SLC6A5: variants seen among roughly 807,000 people sequenced by gnomAD.
The protein encoded by SLC6A5 is sodium- and chloride-dependent glycine transporter 2.
SLC6A5 carries 58 observed loss-of-function variants against 90.5 expected under a neutral mutation model. The observed-to-expected ratio is 0.64, with a 90% CI of 0.52 to 0.80. The LOEUF (loss-of-function observed/expected upper bound fraction) is 0.80, where lower values mean the gene tolerates loss of function less well. SLC6A5 is among the 30% of genes least tolerant of loss of function. SLC6A5 has a pLI of 0.00. For synonymous variants in SLC6A5, 427 were observed against 401.4 expected (o/e 1.06, Z -0.76); for missense variants, 1,015 against 1,017.6 (o/e 1.00, Z 0.03).
rs1590175967 is a variant in SLC6A5 at position 20,638,525 on chromosome 11, A to G, written c.1936A>G (p.Ile646Val). Reference protein sequence around the residue: ...AASYALVIIAIFELVGISYVY... With the variant: ...AASYALVIIAVFELVGISYVY... ...CTCCTATGCCCTTGTCATCATTGCC[A>G]TTTTTGAGCTCGTGGGGATCTCTTA... The change falls in exon 13 of 16, where the codon ATT becomes GTT. Residue 646 changes from isoleucine (I) to valine (V), a missense_variant. By Grantham distance (29) the Ile-to-Val change is conservative. Transcript: ENST00000525748. 2.5e-6 allele frequency: 4 copies of G among 1,612,814 alleles called. No individual in the cohort carries two copies. Among genetic ancestry groups the G allele is most frequent in the Non-Finnish European group, 3.4e-6 (4 of 1,178,908 alleles).
intron 9 of SLC6A5, 41 bp from the exon 10 acceptor site, chr11:20,630,650 C>T (rs1162776541): frequency 1.2e-6 from 2 of 1,613,282 alleles, no homozygotes; most frequent in Non-Finnish European, 1.7e-6. Context: ...TTTCCACTCA[C>T]CAAGCACACC....
At chr11:20,630,863 A>G in intron 10 of SLC6A5, 48 bp downstream of exon 10, 1 of 1,607,746 alleles carries the variant, frequency 6.2e-7, no homozygotes, top group African/African-American at 1.3e-5. Flanking sequence ...TCCCAGGCTC[A>G]TGTCACAAGC....
Position 20,655,227 on chromosome 11 carries a change from A to G in SLC6A5, c.*359A>G, listed in dbSNP as rs189227847. The G allele has an allele frequency of 8.3e-6, 3 of 361,332 alleles. No individual in the cohort carries two copies. Among genetic ancestry groups the G allele is most frequent in the Admixed American group, 3.7e-5 (1 of 26,720 alleles). 22.4% of individuals were successfully genotyped at this position (361,332 alleles called of 1,614,324 possible). A position where few individuals can be genotyped will look rare whatever the true frequency, so the allele number is the denominator to read the frequency against. ...GTGTGATGGCATGGGGGGTGCCAGT[A>G]AGGCATGTATAGAGTGGCCGAATTA... On this transcript the variant is annotated 3_prime_UTR_variant, in exon 16 of 16. Transcript: ENST00000525748.
At position 20,636,302 on chromosome 11, in the gene SLC6A5, T is replaced by C; in HGVS notation, c.1625-5T>C. 1.3e-6 allele frequency: 2 copies of C among 1,596,792 alleles called. No homozygotes were observed. Among genetic ancestry groups the C allele is most frequent in the Non-Finnish European group, 1.7e-6 (2 of 1,164,188 alleles). ...GCCTGCAATCATCTGTCTTGTTCCT[T>C]CCAGGGCCAGGCATTGCATTTGTGG... On this transcript the variant is annotated splice_polypyrimidine_tract_variant and splice_region_variant and intron_variant, in intron 10 of 15. Transcript: ENST00000525748.
rs996161533 is a variant in SLC6A5, at chr11:20,601,730, G to A, written c.540+65G>A. The A allele has an allele frequency of 5.9e-6, 9 of 1,527,124 alleles. No homozygotes were observed. In the African/African-American group the frequency reaches 1.2e-4, roughly 21 times the overall value. 94.6% of individuals were successfully genotyped at this position (1,527,124 alleles called of 1,614,324 possible). ...TCCAGCTGCGCGAGAGAGGCCAGCC[G>A]GGCCGTGGCGGGTGCACGTATGCTG... On this transcript the variant is annotated intron_variant, in intron 2 of 15. Transcript: ENST00000525748.
chr11:20,608,470 CT>C (rs1216287456), intron 5 of SLC6A5, among the ~76,000 whole-genome samples: 1 of 152,170 alleles, frequency 6.6e-6, no homozygotes, highest in Non-Finnish European at 1.5e-5. Context: ...ATCTGTTTTC[CT>C]TCTCTAAAAA....
At chr11:20,605,980 A>C (rs980808943) in intron 3 of SLC6A5, among the ~76,000 whole-genome samples, 1 of 152,210 alleles carries the variant, frequency 6.6e-6, no homozygotes, top group African/African-American at 2.4e-5. Context: ...GGAAGTGCGG[A>C]GGGGCGGGAG....
At chr11:20,638,738 T>A (rs142683184) in intron 13 of SLC6A5, among the ~76,000 whole-genome samples, 180 bp downstream of exon 13, 28 of 152,240 alleles carry the variant, frequency 1.8e-4, no homozygotes, top group African/African-American at 6.7e-4. Flanking sequence ...TGATCCAAAT[T>A]TAATAGGGAA....
At chr11:20,614,399 T>C (rs949682875) in intron 5 of SLC6A5, among the ~76,000 whole-genome samples, 1 of 152,190 alleles carries the variant, frequency 6.6e-6, no homozygotes, top group Non-Finnish European at 1.5e-5. Context: ...AATGAGATAA[T>C]GCATGCAAAA....
chr11:20,633,630 A>G (rs1853147518), intron 10 of SLC6A5, among the ~76,000 whole-genome samples: 1 of 152,224 alleles, frequency 6.6e-6, no homozygotes, highest in African/African-American at 2.4e-5. Context: ...AGTTACTGAA[A>G]TGAAGAGCCC....
rs749443916 is a variant in SLC6A5, at chr11:20,604,267, T to C, written c.541-19T>C. 7.5e-6 allele frequency: 12 copies of C among 1,602,022 alleles called. No individual in the cohort carries two copies. The highest frequency in any genetic ancestry group is 6.7e-5 in the Admixed American group (4 of 59,540). ...ACCTACTCGGGGCTGTTATCGACAA[T>C]GTGCTTTTCCGCCCCCAGGAGGACG... On this transcript the variant is annotated intron_variant, in intron 2 of 15. Transcript: ENST00000525748.
In SLC6A5 at chr11:20,654,855, G is replaced by A. The variant is rs753579914; in HGVS notation, c.2381G>A (p.Gly794Asp). ...CTGCCAGTGAAGGATTTGGAACTGG[G>A]CACTCAGTGCTAGTCCAGTGGTGTG... ...LKLPVKDLEL[G>D]TQC The change falls in exon 16 of 16, where the codon GGC becomes GAC. Residue 794 changes from glycine to aspartate, a missense_variant. By Grantham distance (94) the Gly-to-Asp change is moderately conservative. Around this residue, in one of 3 missense-constraint regions of SLC6A5, gnomAD observed 442 missense variants for 494.3 expected, o/e 0.89. Transcript: ENST00000525748. The A allele has an allele frequency of 8.1e-6, 13 of 1,614,016 alleles. No homozygotes were observed. In the African/African-American group the frequency reaches 1.3e-4, roughly 17 times the overall value.
intron 14 of SLC6A5, among the ~76,000 whole-genome samples, chr11:20,648,044 T>C (rs771974097): frequency 6.6e-6 from 1 of 152,204 alleles, no homozygotes; most frequent in Admixed American, 6.5e-5. Flanking sequence ...CTGCCAGCTT[T>C]GCCCCACTTC....
Position 20,608,547 on chromosome 11 carries a change from G to A in SLC6A5, c.985+895G>A, listed in dbSNP as rs369594179. On this transcript the variant is annotated intron_variant, in intron 5 of 15. Transcript: ENST00000525748. ...ATTGCTGTAAGGAGAAAAGAAATGAGGAGTGTGATACAGTTGCAGAAGCAT... is the reference window on the plus strand; with the variant it reads ...ATTGCTGTAAGGAGAAAAGAAATGAAGAGTGTGATACAGTTGCAGAAGCAT... Among the ~76,000 whole-genome samples the A allele has an allele frequency of 1.2e-4, 18 of 152,330 alleles. No individual in the cohort carries two copies. In the East Asian group the frequency reaches 1.7e-3, roughly 15 times the overall value.
chr11:20,607,711 A>T, intron 5 of SLC6A5, 59 bp downstream of exon 5: 2 of 1,361,884 alleles, frequency 1.5e-6, no homozygotes, highest in Non-Finnish European at 2.1e-6. Context: ...TTTATTCAGC[A>T]AAATAATTGA....
chr11:20,645,936 G>GA (rs1853407386), intron 13 of SLC6A5, among the ~76,000 whole-genome samples: 1 of 152,226 alleles, frequency 6.6e-6, no homozygotes, highest in East Asian at 1.9e-4. Context: ...CGCCCGGCCA[G>GA]AATGATGAGT....
chr11:20,601,729 CG>C, intron 2 of SLC6A5, 64 bp downstream of exon 2: 2 of 1,525,928 alleles, frequency 1.3e-6, no homozygotes, highest in Admixed American at 3.6e-5. Flanking sequence ...AGAGGCCAGC[CG>C]GGCCGTGGCG....
chr11:20,622,743 C>CTTCT (rs1184463480), intron 7 of SLC6A5, among the ~76,000 whole-genome samples: 1 of 152,060 alleles, frequency 6.6e-6, no homozygotes, highest in African/African-American at 2.4e-5. Flanking sequence ...TGGAGATTTC[C>CTTCT]TTCTATAAGC....
At chr11:20,641,875 A>C (rs894922276) in intron 13 of SLC6A5, among the ~76,000 whole-genome samples, 15 of 152,144 alleles carry the variant, frequency 9.9e-5, no homozygotes, top group African/African-American at 3.4e-4. Flanking sequence ...CTAACTGTGC[A>C]TCCCTGGCTG....
Sources: gnomAD v4.1 joint callset for allele counts (sites outside exome capture counted in the v4.1 genomes callset) on GRCh38, gnomAD v4.1.1 for gene constraint, gnomAD v4.1.1 regional missense constraint, MANE v1.5 for transcripts, NCBI Gene and HGNC (gene_info 2026-07-23, HGNC 2026-07-21) for gene names.